The following XKR4 variants were observed in gnomAD, a reference collection of about 807,000 sequenced individuals.
The protein encoded by XKR4 is XK-related protein 4.
In XKR4, 12 loss-of-function variants were observed where a neutral mutation model predicts 53.9. That is an observed-to-expected ratio of 0.22 (90% CI 0.14 to 0.36). The LOEUF is 0.36. Ranked by LOEUF, XKR4 falls within the 10% of genes least tolerant of loss-of-function variation. The pLI is 1.00. For synonymous variants in XKR4, 354 were observed against 362.4 expected (o/e 0.98, Z 0.26); for missense variants, 799 against 859.5 (o/e 0.93, Z 0.88).
intron 1 of XKR4, among the ~76,000 whole-genome samples, chr8:55,336,787 G>T (rs934420895): frequency 6.6e-6 from 1 of 151,910 alleles, no homozygotes; most frequent in Non-Finnish European, 1.5e-5. Flanking sequence ...AATTTTGGGG[G>T]GTACACTACA....
In XKR4 at chr8:55,531,497, A is replaced by C. The variant is rs1156411415; in HGVS notation, c.*7270A>C. 6.6e-6 allele frequency: 1 copy of C among 152,034 alleles called. No homozygotes were observed. Among genetic ancestry groups the C allele is most frequent in the Non-Finnish European group, 1.5e-5 (1 of 68,016 alleles). 9.4% of individuals were successfully genotyped at this position (152,034 alleles called of 1,614,324 possible). The stretch of plus-strand genomic sequence containing the variant: ...ATAATGATGATGAACATAAAGTAAC[A>C]ATACAAATACAAAAAAAAAACTAGA... On this transcript the variant is annotated 3_prime_UTR_variant, in exon 3 of 3. Transcript: ENST00000327381.
chr8:55,210,196 T>C (rs938188145), intron 1 of XKR4, among the ~76,000 whole-genome samples: 8 of 151,616 alleles, frequency 5.3e-5, no homozygotes, highest in African/African-American at 1.9e-4. Context: ...ATGATTCTCC[T>C]GCCTCAGCCT....
chr8:55,367,374 G>A (rs1381172746), intron 2 of XKR4, among the ~76,000 whole-genome samples: 1 of 152,162 alleles, frequency 6.6e-6, no homozygotes, highest in Non-Finnish European at 1.5e-5. Context: ...TTTTGTGGTT[G>A]TTGATGTACA....
intron 2 of XKR4, chr8:55,451,821 GA>G: frequency 6.2e-6 from 6 of 970,124 alleles, no homozygotes; most frequent in Non-Finnish European, 8.1e-6. Flanking sequence ...TTTCCACCAG[GA>G]GGCTGCTCAT....
At chr8:55,255,662 C>T (rs994386519) in intron 1 of XKR4, among the ~76,000 whole-genome samples, 8 of 151,876 alleles carry the variant, frequency 5.3e-5, no homozygotes, top group African/African-American at 1.9e-4. Context: ...TACAAATGTA[C>T]AAGAATTGTA....
At chr8:55,395,643 T>C (rs765445263) in intron 2 of XKR4, among the ~76,000 whole-genome samples, 39 of 152,126 alleles carry the variant, frequency 2.6e-4, no homozygotes, top group Non-Finnish European at 4.0e-4. Flanking sequence ...TTCACCAGAA[T>C]GTGTGGGACA....
chr8:55,180,475 G>A (rs765402410), intron 1 of XKR4, among the ~76,000 whole-genome samples: 7 of 152,270 alleles, frequency 4.6e-5, no homozygotes, highest in Middle Eastern at 3.4e-3. Flanking sequence ...TCAGTGTGGC[G>A]AAAGGAACTT....
In XKR4 at chr8:55,523,940, G is replaced by C; in HGVS notation, c.1666G>C (p.Val556Leu). The C allele has an allele frequency of 6.2e-7, 1 of 1,614,174 alleles. No individual in the cohort carries two copies. The highest frequency in any genetic ancestry group is 8.5e-7 in the Non-Finnish European group (1 of 1,180,036). The change falls in exon 3 of 3, where the codon GTC becomes CTC. Residue 556 changes from valine to leucine, a missense_variant. This residue lies in a region of XKR4 where 269 missense variants were observed against 264.4 expected (regional missense o/e 1.02). Transcript: ENST00000327381. ...LRSISNNRSV[V>L]SDRDQKFAER... ...GTCCATCTCCAACAACCGCAGTGTT[G>C]TCAGCGACCGCGATCAGAAATTCGC...
At chr8:55,433,577 G>T (rs555300473) in intron 2 of XKR4, among the ~76,000 whole-genome samples, 1 of 152,184 alleles carries the variant, frequency 6.6e-6, no homozygotes, top group Non-Finnish European at 1.5e-5. Context: ...AAGAAAAAAG[G>T]CATTGTCACC....
Position 55,341,951 on chromosome 8 carries a change from G to A in XKR4, c.807-15727G>A, listed in dbSNP as rs149110556. On this transcript the variant is annotated intron_variant, in intron 1 of 2. Transcript: ENST00000327381. ...GAGGGCAGTCTCATCTTGTCTTATG[G>A]CTTTAAATACCCTAACATCTCCCAA... Among the ~76,000 whole-genome samples, 1,316 of 152,112 alleles carry A rather than the reference G, an allele frequency of 8.7e-3. 24 individuals are homozygous for A. Among genetic ancestry groups the A allele is most frequent in the African/African-American group, 0.029 (1,217 of 41,500 alleles).
Position 55,532,372 on chromosome 8 carries a change from T to C in XKR4, c.*8145T>C, listed in dbSNP as rs1414695376. ...TATAATATTTGCTAAGCAAAAATCT[T>C]GTTTAACGAAAAAAATCAATACCAA... On this transcript the variant is annotated 3_prime_UTR_variant, in exon 3 of 3. Transcript: ENST00000327381. 1 of 152,198 alleles carries C rather than the reference T, an allele frequency of 6.6e-6. No individual in the cohort carries two copies. Among genetic ancestry groups the C allele is most frequent in the African/African-American group, 2.4e-5 (1 of 41,442 alleles). The allele number at this position is 152,198 out of a possible 1,614,324, so 9.4% of individuals were successfully genotyped here.
chr8:55,451,922 C>A, intron 2 of XKR4: 1 of 791,574 alleles, frequency 1.3e-6, no homozygotes, highest in Non-Finnish European at 2.2e-6. Context: ...TCCTCCTGGT[C>A]CTCAGAGGGC....
intron 2 of XKR4, among the ~76,000 whole-genome samples, chr8:55,444,629 A>T (rs1805318914): frequency 6.6e-6 from 1 of 152,248 alleles, no homozygotes; most frequent in Non-Finnish European, 1.5e-5. Context: ...TATACATCAA[A>T]ATCATTTTCA....
intron 1 of XKR4, among the ~76,000 whole-genome samples, chr8:55,175,105 G>A (rs942164482): frequency 2.0e-5 from 3 of 152,172 alleles, no homozygotes; most frequent in Middle Eastern, 3.2e-3. Flanking sequence ...GTTGCATTTG[G>A]CTCAGAGTAC....
At chr8:55,453,516 G>T (rs1424734762) in intron 2 of XKR4, 2 of 383,656 alleles carry the variant, frequency 5.2e-6, no homozygotes, top group African/African-American at 2.1e-5. Flanking sequence ...CTCTTGACCT[G>T]CAGCCTGCTG....
chr8:55,469,190 A>G (rs943644631), intron 2 of XKR4, among the ~76,000 whole-genome samples: 1 of 152,130 alleles, frequency 6.6e-6, no homozygotes, highest in African/African-American at 2.4e-5. Context: ...TCCAGGACTC[A>G]ATGTTGAAAA....
chr8:55,351,415 C>T (rs547406165), intron 1 of XKR4, among the ~76,000 whole-genome samples: 5 of 152,174 alleles, frequency 3.3e-5, no homozygotes, highest in East Asian at 1.9e-4. Context: ...TAAAAACAAA[C>T]GTCTCATTGT....
In XKR4 at chr8:55,173,345, A is replaced by G. The variant is rs181026646; in HGVS notation, c.806+70051A>G. The stretch of plus-strand genomic sequence containing the variant: ...TGACCTTATTCCTTCCTACTTCTTT[A>G]ACCTACTTTCCAAATACTCCCCTTC... On this transcript the variant is annotated intron_variant, in intron 1 of 2. Coordinates refer to ENST00000327381, the MANE Select transcript of XKR4 (RefSeq NM_052898.2). Among the ~76,000 whole-genome samples, 19 of 151,942 alleles carry G rather than the reference A, an allele frequency of 1.3e-4. 1 individual carries two copies. The highest frequency in any genetic ancestry group is 1.5e-5 in the Non-Finnish European group (1 of 67,950).
chr8:55,219,225 C>T (rs1164508819), intron 1 of XKR4, among the ~76,000 whole-genome samples: 1 of 152,174 alleles, frequency 6.6e-6, no homozygotes, highest in Non-Finnish European at 1.5e-5. Context: ...TTGCCGGGCC[C>T]TTAAGTAGTA....
Sources: gnomAD v4.1 joint callset for allele counts (sites outside exome capture counted in the v4.1 genomes callset) on GRCh38, gnomAD v4.1.1 for gene constraint, gnomAD v4.1.1 regional missense constraint, MANE v1.5 for transcripts, NCBI Gene and HGNC (gene_info 2026-07-23, HGNC 2026-07-21) for gene names.